Variants in DALRD3 observed in about 807,000 individuals in gnomAD.
The protein encoded by DALRD3 is DALR anticodon-binding domain-containing protein 3.
DALRD3 carries 47 observed loss-of-function variants against 56.7 expected under a neutral mutation model. The observed-to-expected ratio is 0.83, with a 90% confidence interval of 0.66 to 1.06. The LOEUF (loss-of-function observed/expected upper bound fraction) is 1.06, where lower values mean the gene tolerates loss of function less well. Among genes scored for constraint, DALRD3 ranks in the 50% least tolerant of loss-of-function variants. DALRD3 has a pLI of 0.00. For missense variants in DALRD3, 787 were observed against 724.0 expected, an observed-to-expected ratio of 1.09 and a Z score of -1.00; for synonymous variants, 347 against 308.5, an observed-to-expected ratio of 1.12 and a Z score of -1.31.
At chr3:49,021,003 G>A (rs1177327023), upstream of DALRD3, 2 of 165,718 alleles carry the variant, frequency 1.2e-5, no homozygotes, top group African/African-American at 4.8e-5. This position sits in a 1 kb window ranked among gnomAD's most constrained non-coding sequence, Gnocchi z 4.1. Context: ...AATCCGTCAG[G>A]AGGGAAGCGC....
rs2093100575 is a variant in DALRD3, at chr3:49,017,471, G to T, written c.761C>A (p.Ala254Asp). Residue 254 changes from alanine (A) to aspartate (D), a missense_variant, in exon 4 of 12, where the codon GCT becomes GAT. Coordinates refer to ENST00000341949, the MANE Select transcript of DALRD3 (RefSeq NM_001009996.3). ...GCTGTCCTCGGGCCAATGCCATAGA[G>T]CCTCTTGCAGCTCAGCCAGCACAGA... ...LLSVLAELQE[A>D]LWHWPEDSHP... 6.2e-7 allele frequency: 1 copy of T among 1,613,964 alleles called. No individual in the cohort carries two copies. The highest frequency in any genetic ancestry group is 1.7e-5 in the Admixed American group (1 of 59,998).
chr3:49,018,547 A>G lies in DALRD3; in HGVS notation c.18T>C (p.Leu6=). 6.3e-7 allele frequency: 1 copy of G among 1,577,802 alleles called. No individual in the cohort carries two copies. Among genetic ancestry groups the G allele is most frequent in the South Asian group, 1.2e-5 (1 of 86,660 alleles). Residue 6 remains leucine, a synonymous_variant, in exon 1 of 12, where the codon CTT becomes CTC. Coordinates refer to ENST00000341949, the MANE Select transcript of DALRD3 (RefSeq NM_001009996.3). MATRR[L]GVGETLGALN... The stretch of plus-strand genomic sequence containing the variant: ...GGGCCCCCAGCGTCTCCCCGACCCC[A>G]AGGCGCCTGGTCGCCATGGTGACCG...
upstream of DALRD3, among the ~76,000 whole-genome samples, chr3:49,019,944 C>A (rs2093138287): frequency 6.6e-6 from 1 of 152,210 alleles, no homozygotes; most frequent in Non-Finnish European, 1.5e-5. Context: ...TAGGAAAGGT[C>A]TTTTTCTTTC....
In DALRD3 at chr3:49,018,404, C is replaced by G. The variant is rs1409311101; in HGVS notation, c.161G>C (p.Gly54Ala). The G allele has an allele frequency of 5.7e-6, 9 of 1,567,760 alleles. No individual in the cohort carries two copies. The highest frequency in any genetic ancestry group is 1.7e-4 in the Middle Eastern group (1 of 5,978). ...CCCCGCCCGGCTCACGCCCACCTGG[C>G]CGTCATCGAAGCGCGCCTGCAGCGC... ...HRALQARFDDGQVPEHLLHAL... is the reference protein window; with the variant it reads ...HRALQARFDDAQVPEHLLHAL... Residue 54 changes from glycine to alanine, a missense_variant, in exon 1 of 12, where the codon GGC becomes GCC. By Grantham distance (60) the Gly-to-Ala change is moderately conservative. Coordinates refer to ENST00000341949, the MANE Select transcript of DALRD3 (RefSeq NM_001009996.3).
At chr3:49,021,223 C>T (rs918002538), upstream of DALRD3, 1 of 152,484 alleles carries the variant, frequency 6.6e-6, no homozygotes, top group African/African-American at 2.4e-5. This position sits in a 1 kb window ranked among gnomAD's most constrained non-coding sequence, Gnocchi z 4.1. Flanking sequence ...TCCCGCTCGC[C>T]CGGCCCCGCG....
Position 49,018,176 on chromosome 3 carries a change from G to A in DALRD3, c.308C>T (p.Ala103Val), listed in dbSNP as rs1380288959. 2 of 1,451,546 alleles carry A rather than the reference G, an allele frequency of 1.4e-6. No individual in the cohort carries two copies. Among genetic ancestry groups the A allele is most frequent in the Admixed American group, 5.7e-5 (2 of 34,908 alleles). The allele number at this position is 1,451,546 out of a possible 1,614,324, so 89.9% of individuals were successfully genotyped here. ...AGGCGAGGCGGGCGTGGCATAGGCG[G>A]CCACGGCGCTGAGGACGCGCTCGAA... is the stretch of plus-strand genomic sequence containing the variant. ...AVFERVLSAVAAYATPASPAS... is the reference protein window; with the variant it reads ...AVFERVLSAVVAYATPASPAS... Residue 103 changes from alanine (A) to valine (V), a missense_variant, in exon 2 of 12, where the codon GCC becomes GTC. Coordinates refer to ENST00000341949, the MANE Select transcript of DALRD3 (RefSeq NM_001009996.3).
At position 49,015,879 on chromosome 3, in the gene DALRD3, A is replaced by G. The variant is rs376211800; in HGVS notation, c.1444-7T>C. On this transcript the variant is annotated splice_region_variant and splice_polypyrimidine_tract_variant and intron_variant, in intron 10 of 11. Coordinates refer to ENST00000341949, the MANE Select transcript of DALRD3 (RefSeq NM_001009996.3). ...GTACCAGGAACTTGCATATCTAGAG[A>G]CAGAGACTGAGTCACTGGCCCATCT... 26 of 1,614,024 alleles carry G rather than the reference A, an allele frequency of 1.6e-5. 1 individual carries two copies. The highest frequency in any genetic ancestry group is 6.7e-5 in the East Asian group (3 of 44,898).
Position 49,016,830 on chromosome 3 carries a change from G to A in DALRD3, c.945C>T (p.Gly315=). ...APLRQKHLIC[G]PVKVAGAPGT... ...CAGGTGCACCAGCTACTTTCACAGG[G>A]CCACAGATGAGGTGCTTCTGTCAGA... Residue 315 remains glycine (G), a synonymous_variant, in exon 6 of 12, where the codon GGC becomes GGT. Coordinates refer to ENST00000341949, the MANE Select transcript of DALRD3 (RefSeq NM_001009996.3). 3 of 1,614,204 alleles carry A rather than the reference G, an allele frequency of 1.9e-6. No homozygotes were observed. The highest frequency in any genetic ancestry group is 1.7e-6 in the Non-Finnish European group (2 of 1,180,034).
At position 49,016,236 on chromosome 3, in the gene DALRD3, G is replaced by A. The variant is rs1163930676; in HGVS notation, c.1251C>T (p.Tyr417=). The A allele has an allele frequency of 1.2e-6, 2 of 1,614,048 alleles. No homozygotes were observed. The highest frequency in any genetic ancestry group is 1.3e-5 in the African/African-American group (1 of 74,924). The change falls in exon 9 of 12, where the codon TAC becomes TAT. Residue 417 remains tyrosine (Y), a synonymous_variant. Transcript: ENST00000341949. ...ACAGACCTTGTTCCATACTACACTT[G>A]TAACTCTCAAAGAGTGTGGCAAGAC... ...CARLATLFES[Y]KCSMEQGLYP...
At chr3:49,020,169 G>T, upstream of DALRD3, 1 of 534,584 alleles carries the variant, frequency 1.9e-6, no homozygotes, top group Non-Finnish European at 3.8e-6. Context: ...GGGCGGACAC[G>T]ACATTCCCGA....
chr3:49,017,032 G>C (rs2106731271), intron 5 of DALRD3, 185 bp from the exon 6 acceptor site: 2 of 955,198 alleles, frequency 2.1e-6, no homozygotes, highest in Non-Finnish European at 3.1e-6. Context: ...CTGGTCTTCA[G>C]TGTTCTTGGG....
rs1477745267 is a variant in DALRD3, at chr3:49,018,384, C to G, written c.165+16G>C. Reference sequence around the variant, plus strand: ...CCCATCTCCCGGCCGCACGGCCCCGCCCGGCTCACGCCCACCTGGCCGTCA... The same window carrying G: ...CCCATCTCCCGGCCGCACGGCCCCGGCCGGCTCACGCCCACCTGGCCGTCA... On this transcript the variant is annotated intron_variant, in intron 1 of 11. Transcript: ENST00000341949. 1 of 1,549,330 alleles carries G rather than the reference C, an allele frequency of 6.5e-7. No individual in the cohort carries two copies. The highest frequency in any genetic ancestry group is 1.9e-5 in the Admixed American group (1 of 51,662).
rs1189218382 is a variant in DALRD3 at position 49,016,246 on chromosome 3, A to AAG, written c.1239_1240dup (p.Phe414SerfsTer20). 6.2e-7 allele frequency: 1 copy of AAG among 1,614,048 alleles called. No individual in the cohort carries two copies. On this transcript the variant is annotated frameshift_variant, in exon 9 of 12. Coordinates refer to ENST00000341949, the MANE Select transcript of DALRD3 (RefSeq NM_001009996.3). LOFTEE classifies it high-confidence loss of function. Reference sequence around the variant, plus strand: ...TTCCATACTACACTTGTAACTCTCAAAGAGTGTGGCAAGACGGGCACAATT... The same window carrying AAG: ...TTCCATACTACACTTGTAACTCTCAAAGAGAGTGTGGCAAGACGGGCACAATT...
Position 49,017,253 on chromosome 3 carries a change from A to G in DALRD3, c.902T>C (p.Leu301Ser), listed in dbSNP as rs762009069. The change falls in exon 5 of 12, where the codon TTG becomes TCG. Residue 301 changes from leucine to serine, a missense_variant. By Grantham distance (145) the Leu-to-Ser change is moderately radical. Coordinates refer to ENST00000341949, the MANE Select transcript of DALRD3 (RefSeq NM_001009996.3). ...QQKLDLLWQK[L>S]VDKAPLRQKH... ...CTGTCTGAGTGGAGCCTTGTCAACC[A>G]ACTTCTGCCAAAGCAGGTCCAACTT... is the stretch of plus-strand genomic sequence containing the variant. The G allele has an allele frequency of 1.2e-6, 2 of 1,614,162 alleles. No homozygotes were observed. The highest frequency in any genetic ancestry group is 2.2e-5 in the South Asian group (2 of 91,088).
chr3:49,017,500 G>T lies in DALRD3; in HGVS notation c.732C>A (p.Leu244=). Residue 244 remains leucine (L), a synonymous_variant, in exon 4 of 12, where the codon CTC becomes CTA. Transcript: ENST00000341949. ...CTTGCAGCTCAGCCAGCACAGAGAG[G>T]AGATCCTCAGTCACTGAAAAGAGAA... The part of the protein sequence containing the change: ...NLDNCLVTED[L]LSVLAELQEA... 1 of 1,614,172 alleles carries T rather than the reference G, an allele frequency of 6.2e-7. No homozygotes were observed. Among genetic ancestry groups the T allele is most frequent in the Non-Finnish European group, 8.5e-7 (1 of 1,180,042 alleles).
intron 5 of DALRD3, 46 bp downstream of exon 5, chr3:49,017,182 G>A: frequency 1.2e-6 from 2 of 1,613,568 alleles, no homozygotes; most frequent in Non-Finnish European, 1.7e-6. Flanking sequence ...GCCCTCTGAG[G>A]TTGGGGGTTA....
In DALRD3 at chr3:49,017,864, C is replaced by T. The variant is rs1220186307; in HGVS notation, c.467G>A (p.Cys156Tyr). The T allele has an allele frequency of 6.3e-7, 1 of 1,597,580 alleles. No individual in the cohort carries two copies. The highest frequency in any genetic ancestry group is 2.2e-5 in the East Asian group (1 of 44,502). The change falls in exon 3 of 12, where the codon TGC becomes TAC. Residue 156 changes from cysteine (C) to tyrosine (Y), a missense_variant. Physicochemically the swap from Cys to Tyr is radical, Grantham distance 194 (BLOSUM62 -2). Transcript: ENST00000341949. Reference sequence around the variant, plus strand: ...CCGCACAGCTGGCACTAGGCGCACGCACACCCTGCGAAGGGAGGGCGGCCG... The same window carrying T: ...CCGCACAGCTGGCACTAGGCGCACGTACACCCTGCGAAGGGAGGGCGGCCG... ...LARALRAHGV[C>Y]VRLVPAVRDP...
intron 5 of DALRD3, 153 bp from the exon 6 acceptor site, chr3:49,017,000 C>T (rs1301865296): frequency 5.0e-6 from 5 of 996,142 alleles, no homozygotes; most frequent in Non-Finnish European, 7.5e-6. Flanking sequence ...ACTCAGGCTA[C>T]GCATGGTTCA....
intron 5 of DALRD3, 49 bp from the exon 6 acceptor site, chr3:49,016,896 G>A (rs991856089): frequency 1.9e-6 from 3 of 1,609,430 alleles, no homozygotes; most frequent in South Asian, 1.1e-5. Context: ...TACTCTCCAG[G>A]AAGTCCCTTG....
Sources: gnomAD v4.1 joint callset for allele counts (sites outside exome capture counted in the v4.1 genomes callset) on GRCh38, gnomAD v4.1.1 for gene constraint, Gnocchi (gnomAD v3.1) non-coding constraint, MANE v1.5 for transcripts, NCBI Gene and HGNC (gene_info 2026-07-23, HGNC 2026-07-21) for gene names.